Variants in SORCS1 observed in about 807,000 individuals in gnomAD.
SORCS1 encodes sortilin related VPS10 domain containing receptor 1.
Under a neutral mutation model 146.1 loss-of-function variants are expected in SORCS1, and 60 were observed. The observed-to-expected ratio is 0.41, with a 90% CI of 0.33 to 0.51. The LOEUF is 0.51. SORCS1 is among the 20% of genes least tolerant of loss of function. The pLI, the probability that SORCS1 is intolerant of heterozygous loss-of-function variation, is 0.21. For missense variants in SORCS1, 1,352 were observed against 1,487.6 expected (o/e 0.91, Z 1.50); for synonymous variants, 637 against 584.0 (o/e 1.09, Z -1.31).
chr10:106,657,739 T>C (rs1459937893), intron 17 of SORCS1, among the ~76,000 whole-genome samples: 1 of 151,516 alleles, frequency 6.6e-6, no homozygotes, highest in Non-Finnish European at 1.5e-5. Flanking sequence ...AGGTTAAAAC[T>C]AGTGTTGTAG....
intron 2 of SORCS1, among the ~76,000 whole-genome samples, chr10:106,934,267 T>A (rs1483139932): frequency 6.6e-6 from 1 of 151,900 alleles, no homozygotes; most frequent in Non-Finnish European, 1.5e-5. Flanking sequence ...TTTATTTATT[T>A]CTTTTTTTTA....
intron 2 of SORCS1, among the ~76,000 whole-genome samples, chr10:106,893,564 C>T (rs533451435): frequency 1.2e-4 from 19 of 152,200 alleles, no homozygotes; most frequent in South Asian, 4.1e-4. Context: ...TAATTTTACA[C>T]ACCGAAAATT....
chr10:106,728,064 G>T (rs928889632), intron 6 of SORCS1, among the ~76,000 whole-genome samples: 1 of 151,770 alleles, frequency 6.6e-6, no homozygotes, highest in Non-Finnish European at 1.5e-5. Flanking sequence ...ACGGAGTCTG[G>T]CTCTGTCGCC....
chr10:106,739,134 A>AGAT (rs1857174491), intron 5 of SORCS1, among the ~76,000 whole-genome samples: 1 of 152,204 alleles, frequency 6.6e-6, no homozygotes, highest in African/African-American at 2.4e-5. Context: ...AACTGAGAGA[A>AGAT]GATGGAAATT....
At chr10:106,653,969 C>T (rs1046993826) in intron 17 of SORCS1, among the ~76,000 whole-genome samples, 1 of 152,188 alleles carries the variant, frequency 6.6e-6, no homozygotes, top group South Asian at 2.1e-4. Flanking sequence ...TAATTTTATT[C>T]TGCTTTCCTG....
chr10:106,971,493 C>A (rs963911491), intron 1 of SORCS1, among the ~76,000 whole-genome samples: 1 of 152,176 alleles, frequency 6.6e-6, no homozygotes, highest in African/African-American at 2.4e-5. Flanking sequence ...TTGCAATCTA[C>A]CAGCATTGCC....
At chr10:107,174,680 T>C in the SORCS1 span, among the ~76,000 whole-genome samples, 1 of 152,106 alleles carries the variant, frequency 6.6e-6, no homozygotes, top group Non-Finnish European at 1.5e-5. Flanking sequence ...TTTTAATAAT[T>C]TTTAGGGCCC....
chr10:107,047,082 G>T (rs1432507603), intron 1 of SORCS1, among the ~76,000 whole-genome samples: 1 of 152,186 alleles, frequency 6.6e-6, no homozygotes, highest in South Asian at 2.1e-4. Flanking sequence ...TCTGCCTCCC[G>T]GGTTCAAGCC....
intron 1 of SORCS1, among the ~76,000 whole-genome samples, chr10:107,081,407 T>A (rs1963325663): frequency 6.6e-6 from 1 of 152,238 alleles, no homozygotes; most frequent in East Asian, 1.9e-4. Flanking sequence ...TGTGAACATG[T>A]CTATCACTAT....
chr10:106,858,843 AC>A (rs772739741), intron 2 of SORCS1, among the ~76,000 whole-genome samples: 3 of 152,232 alleles, frequency 2.0e-5, no homozygotes, highest in Non-Finnish European at 2.9e-5. Context: ...AAATTGGAGT[AC>A]TATCCTTCAC....
chr10:106,736,236 G>T (rs1249853570), intron 5 of SORCS1, among the ~76,000 whole-genome samples: 1 of 152,166 alleles, frequency 6.6e-6, no homozygotes, highest in East Asian at 1.9e-4. Flanking sequence ...AATAAATGCT[G>T]CAGAGCCACA....
At chr10:107,158,796 T>C (rs1025199582) in intron 1 of SORCS1, among the ~76,000 whole-genome samples, 3 of 152,180 alleles carry the variant, frequency 2.0e-5, no homozygotes, top group South Asian at 2.1e-4. Context: ...TTTTGGCACA[T>C]AGCAATTACT....
intron 7 of SORCS1, among the ~76,000 whole-genome samples, chr10:106,708,245 GGTGTGT>G (rs58427067): frequency 9.9e-4 from 148 of 148,796 alleles, no homozygotes; most frequent in African/African-American, 3.3e-3. Flanking sequence ...ATAAAGAAAT[GGTGTGT>G]GTGTGTGTGT....
intron 22 of SORCS1, among the ~76,000 whole-genome samples, chr10:106,609,169 T>A (rs1209831585): frequency 6.6e-6 from 1 of 152,166 alleles, no homozygotes; most frequent in Non-Finnish European, 1.5e-5. Context: ...GAAGTCTGTG[T>A]TGGGACCCAG....
chr10:106,672,720 C>A (rs1309282450), intron 15 of SORCS1, 148 bp downstream of exon 15: 5 of 652,494 alleles, frequency 7.7e-6, no homozygotes, highest in Non-Finnish European at 8.2e-6. Flanking sequence ...TGAGTTTGTT[C>A]ACTGCTGTGG....
rs5787684 is a variant in SORCS1 at position 106,697,455 on chromosome 10, C to CAA, written c.1413+1757_1413+1758dup. On this transcript the variant is annotated intron_variant, in intron 9 of 25. Coordinates refer to ENST00000263054, the MANE Select transcript of SORCS1 (RefSeq NM_052918.5). The stretch of plus-strand genomic sequence containing the variant: ...TGGGTGACAGAGTGAGACTCCATCT[C>CAA]AAAATAAATAAATAAATAAATAAAA... 7.7e-3 allele frequency among the ~76,000 whole-genome samples: 1,134 copies of CAA among 147,972 alleles called. 8 individuals are homozygous for CAA. The highest frequency in any genetic ancestry group is 8.1e-3 in the African/African-American group (328 of 40,710).
At chr10:106,649,824 A>G (rs1849727985) in intron 18 of SORCS1, among the ~76,000 whole-genome samples, 1 of 151,994 alleles carries the variant, frequency 6.6e-6, no homozygotes, top group Non-Finnish European at 1.5e-5. Context: ...TATGCTCTAG[A>G]TGGCGTATTT....
In SORCS1 at chr10:106,577,423, A is replaced by C. The variant is rs745744962; in HGVS notation, c.3504T>G (p.Ile1168Met). ...KRGSAGAQYAI is the reference protein window; with the variant it reads ...KRGSAGAQYAM ...CTGTAGCCTTTGGGGGTTTTCCTTAAATTGCATACTGTGCCCCAGCAGATC... is the reference window on the plus strand; with the variant it reads ...CTGTAGCCTTTGGGGGTTTTCCTTACATTGCATACTGTGCCCCAGCAGATC... The change falls in exon 26 of 26, where the codon ATT (isoleucine) becomes ATG (methionine). Residue 1168 changes from isoleucine (I) to methionine (M), a missense_variant. By Grantham distance (10) the Ile-to-Met change is conservative. Transcript: ENST00000263054. 4.3e-6 allele frequency: 7 copies of C among 1,613,880 alleles called. No individual in the cohort carries two copies. The South Asian group carries it at 4.4e-5, about 10-fold the overall frequency.
chr10:107,057,495 C>T (rs1263052720), intron 1 of SORCS1, among the ~76,000 whole-genome samples: 3 of 152,122 alleles, frequency 2.0e-5, no homozygotes, highest in African/African-American at 7.2e-5. Flanking sequence ...CAAACAAGGG[C>T]CCAATTGCAT....
Sources: gnomAD v4.1 joint callset for allele counts (sites outside exome capture counted in the v4.1 genomes callset) on GRCh38, gnomAD v4.1.1 for gene constraint, MANE v1.5 for transcripts, NCBI Gene and HGNC (gene_info 2026-07-23, HGNC 2026-07-21) for gene names.